Variants in MYO5B observed in about 807,000 individuals in gnomAD.
MYO5B encodes myosin VB.
A neutral mutation model predicts 229.3 loss-of-function variants in MYO5B; 143 were observed. The observed-to-expected ratio is 0.62, with a 90% CI of 0.54 to 0.72. The LOEUF (loss-of-function observed/expected upper bound fraction) is 0.72. Ranked by LOEUF, MYO5B falls within the 30% of genes least tolerant of loss-of-function variation. The pLI is 0.00. For missense variants in MYO5B, 2,321 were observed against 2,331.0 expected, an observed-to-expected ratio of 1.00 and a Z score of 0.09; for synonymous variants, 918 against 885.2, an observed-to-expected ratio of 1.04 and a Z score of -0.66.
At chr18:50,016,834 C>A (rs2026220838) in intron 4 of MYO5B, among the ~76,000 whole-genome samples, 1 of 151,436 alleles carries the variant, frequency 6.6e-6, no homozygotes, top group African/African-American at 2.4e-5. Flanking sequence ...CCTAAACCAA[C>A]CCCCGACCCC....
intron 2 of MYO5B, among the ~76,000 whole-genome samples, chr18:50,051,157 A>G (rs1416217658): frequency 6.6e-6 from 1 of 152,222 alleles, no homozygotes; most frequent in Non-Finnish European, 1.5e-5. Context: ...AATGTTTAAC[A>G]ATGTTTTTAA....
At position 49,902,657 on chromosome 18, in the gene MYO5B, C is replaced by T; in HGVS notation, c.2748G>A (p.Leu916=). The T allele has an allele frequency of 6.2e-7, 1 of 1,613,396 alleles. No homozygotes were observed. The highest frequency in any genetic ancestry group is 8.5e-7 in the Non-Finnish European group (1 of 1,180,038). ...TCTCCATGCCCACGTTGAGACGTTT[C>T]AGATGCTCTGCTGAGCGGGCCTCAA... The part of the protein sequence containing the change: ...LRIEARSAEH[L]KRLNVGMENK... The change falls in exon 21 of 40, where the codon CTG becomes CTA. Residue 916 remains leucine (L), a synonymous_variant. Transcript: ENST00000285039.
chr18:50,010,508 T>C (rs924942537), intron 4 of MYO5B, among the ~76,000 whole-genome samples: 9 of 152,300 alleles, frequency 5.9e-5, no homozygotes, highest in African/African-American at 2.2e-4. Flanking sequence ...TGGAAGATTA[T>C]CCCTAGGATC....
chr18:49,921,887 C>T (rs1598884277), intron 17 of MYO5B, among the ~76,000 whole-genome samples: 1 of 152,192 alleles, frequency 6.6e-6, no homozygotes, highest in East Asian at 1.9e-4. Flanking sequence ...GCTGCTTCCA[C>T]ACGGGAACTG....
chr18:49,830,290 A>G (rs910804674), intron 39 of MYO5B, among the ~76,000 whole-genome samples: 78 of 152,334 alleles, frequency 5.1e-4, no homozygotes, highest in African/African-American at 1.8e-3. Context: ...TCCATTTACA[A>G]TAACATCAAA....
chr18:49,916,820 G>A (rs1598880947), intron 17 of MYO5B, among the ~76,000 whole-genome samples: 3 of 152,322 alleles, frequency 2.0e-5, no homozygotes, highest in Admixed American at 2.0e-4. Context: ...CCTTTCGGTG[G>A]ATTTCTGTGA....
At chr18:49,974,675 A>C in intron 9 of MYO5B, 60 bp from the exon 10 acceptor site, 1 of 1,572,538 alleles carries the variant, frequency 6.4e-7, no homozygotes, top group South Asian at 1.1e-5. Context: ...GCCCCCCACC[A>C]ATGTCTTCCA....
At chr18:49,961,288 C>T (rs533027912) in intron 12 of MYO5B, among the ~76,000 whole-genome samples, 118 of 152,154 alleles carry the variant, frequency 7.8e-4, no homozygotes, top group South Asian at 2.9e-3. Flanking sequence ...GCTTGGATAC[C>T]GATTCTCGGG....
rs1598877197 is a variant in MYO5B, at chr18:49,912,025, G to C, written c.2202+37C>G. ...CACCCCCTCAATCTTTAGGGGACCT[G>C]GTCAGGCCTCTCCTGGAGCTGGGCT... On this transcript the variant is annotated intron_variant, in intron 18 of 39. Transcript: ENST00000285039. The C allele has an allele frequency of 3.3e-6, 5 of 1,531,694 alleles. No homozygotes were observed. In the East Asian group the frequency reaches 1.1e-4, roughly 34 times the overall value. 94.9% of individuals were successfully genotyped at this position (1,531,694 alleles called of 1,614,324 possible).
In MYO5B at chr18:50,095,668, T is replaced by C. The variant is rs183303300; in HGVS notation, c.28-40290A>G. Among the ~76,000 whole-genome samples the C allele has an allele frequency of 5.3e-5, 8 of 152,326 alleles. No homozygotes were observed. In the East Asian group the frequency reaches 1.4e-3, roughly 26 times the overall value. Reference sequence around the variant, plus strand: ...CAGGAAAGAGTCAGAAATCAGTTAATGGATACAGTTAAGTGAACGAGACCC... The same window carrying C: ...CAGGAAAGAGTCAGAAATCAGTTAACGGATACAGTTAAGTGAACGAGACCC... On this transcript the variant is annotated intron_variant, in intron 1 of 39. Coordinates refer to ENST00000285039, the MANE Select transcript of MYO5B (RefSeq NM_001080467.3).
Position 49,824,088 on chromosome 18 carries a change from C to T in MYO5B, c.*2383G>A, listed in dbSNP as rs745452754. ...AGAGACATCTAATGCAGAGTTCAAA[C>T]CTGAATTGTTAAAGAGTCATTACTG... On this transcript the variant is annotated 3_prime_UTR_variant, in exon 40 of 40. Transcript: ENST00000285039. The T allele has an allele frequency of 6.6e-6, 1 of 151,984 alleles. No homozygotes were observed. Among genetic ancestry groups the T allele is most frequent in the Non-Finnish European group, 1.5e-5 (1 of 67,894 alleles). 9.4% of individuals were successfully genotyped at this position (151,984 alleles called of 1,614,324 possible).
chr18:49,955,343 G>A (rs2025480892), intron 12 of MYO5B, among the ~76,000 whole-genome samples: 1 of 152,214 alleles, frequency 6.6e-6, no homozygotes, highest in Non-Finnish European at 1.5e-5. Context: ...TGTCAAGGAT[G>A]ACAGCAACTC....
At chr18:49,855,017 A>C (rs927675705) in intron 30 of MYO5B, among the ~76,000 whole-genome samples, 3 of 152,240 alleles carry the variant, frequency 2.0e-5, no homozygotes, top group Non-Finnish European at 4.4e-5. Flanking sequence ...CTAAAGAAAA[A>C]TAACATGAGA....
intron 1 of MYO5B, among the ~76,000 whole-genome samples, chr18:50,125,842 T>C (rs2032152949): frequency 6.6e-6 from 1 of 152,202 alleles, no homozygotes; most frequent in Admixed American, 6.5e-5. Context: ...AAGGAAATTC[T>C]AACACATACT....
At chr18:50,168,178 C>T (rs1470724583) in intron 1 of MYO5B, among the ~76,000 whole-genome samples, 1 of 152,188 alleles carries the variant, frequency 6.6e-6, no homozygotes, top group Non-Finnish European at 1.5e-5. Flanking sequence ...TTGGCTTCAT[C>T]ACTCCCTCTA....
At chr18:50,070,564 T>A (rs1430260986) in intron 1 of MYO5B, among the ~76,000 whole-genome samples, 1 of 152,036 alleles carries the variant, frequency 6.6e-6, no homozygotes, top group East Asian at 1.9e-4. Flanking sequence ...ACACGCAGGA[T>A]AGCCCTTGAC....
rs368319146 is a variant in MYO5B, at chr18:50,186,484, A to AG, written c.27+8282dup. Among the ~76,000 whole-genome samples, 298 of 152,304 alleles carry AG rather than the reference A, an allele frequency of 2.0e-3. 1 individual carries two copies. The highest frequency in any genetic ancestry group is 6.9e-3 in the African/African-American group (288 of 41,568). ...TTCAGACTGCTCTTGCTCCTTCCCCAGGGGTGGTGGGGAGTACCATATCTT... is the reference window on the plus strand; with the variant it reads ...TTCAGACTGCTCTTGCTCCTTCCCCAGGGGGTGGTGGGGAGTACCATATCTT... On this transcript the variant is annotated intron_variant, in intron 1 of 39. Transcript: ENST00000285039.
chr18:50,174,895 C>T (rs114021732), intron 1 of MYO5B, among the ~76,000 whole-genome samples: 2,123 of 152,292 alleles, frequency 0.014, 50 homozygotes, highest in African/African-American at 0.048. Flanking sequence ...GGCCCTGTTC[C>T]TGGAAGAACA....
intron 13 of MYO5B, among the ~76,000 whole-genome samples, chr18:49,953,717 C>G (rs1420575986): frequency 6.6e-6 from 1 of 152,118 alleles, no homozygotes. Flanking sequence ...AAACAGAAAT[C>G]CACTTAGAAA....
Sources: gnomAD v4.1 joint callset for allele counts (sites outside exome capture counted in the v4.1 genomes callset) on GRCh38, gnomAD v4.1.1 for gene constraint, MANE v1.5 for transcripts, NCBI Gene and HGNC (gene_info 2026-07-23, HGNC 2026-07-21) for gene names.